Variants in STAG1 observed in about 807,000 individuals in gnomAD.
STAG1 encodes the protein cohesin subunit SA-1.
Under a neutral mutation model 170.9 loss-of-function variants are expected in STAG1, and 26 were observed. The observed-to-expected ratio is 0.15, with a 90% CI of 0.11 to 0.21. The LOEUF (loss-of-function observed/expected upper bound fraction) is 0.21, where lower values mean the gene tolerates loss of function less well. STAG1 is among the 10% of genes least tolerant of loss of function. The pLI is 1.00. For synonymous variants in STAG1, 514 were observed against 497.7 expected, an observed-to-expected ratio of 1.03 and a Z score of -0.44; for missense variants, 964 against 1,509.5, an observed-to-expected ratio of 0.64 and a Z score of 5.99.
In STAG1 at chr3:136,357,802, C is replaced by G. The variant is rs1936713516; in HGVS notation, c.2983G>C (p.Glu995Gln). ...AFKYQNQKGQEYPPPNLAFLE... is the reference protein window; with the variant it reads ...AFKYQNQKGQQYPPPNLAFLE... ...AAAGCCAGATTAGGAGGTGGATACT[C>G]TTGTCCTTTCTGATTTTGGTATTTA... The change falls in exon 28 of 34, where the codon GAG becomes CAG. Residue 995 changes from glutamate to glutamine, a missense_variant. Around this residue, in one of 11 missense-constraint regions of STAG1, gnomAD observed 149 missense variants for 301.3 expected, o/e 0.49. Transcript: ENST00000383202. The G allele has an allele frequency of 6.2e-7, 1 of 1,602,028 alleles. No homozygotes were observed. Among genetic ancestry groups the G allele is most frequent in the Non-Finnish European group, 8.5e-7 (1 of 1,176,280 alleles).
chr3:136,600,708 T>A (rs1454519320), intron 4 of STAG1, among the ~76,000 whole-genome samples: 1 of 152,090 alleles, frequency 6.6e-6, no homozygotes, highest in African/African-American at 2.4e-5. Context: ...ATTTTTTTTT[T>A]ATTTTTAGTA....
At chr3:136,506,133 C>G (rs147305310) in intron 7 of STAG1, among the ~76,000 whole-genome samples, 20 of 152,236 alleles carry the variant, frequency 1.3e-4, no homozygotes, top group African/African-American at 4.8e-4. Flanking sequence ...AGATTTTAAA[C>G]TGATGTGTGA....
intron 1 of STAG1, among the ~76,000 whole-genome samples, chr3:136,642,262 TTC>T (rs372307033): frequency 7.8e-6 from 1 of 128,636 alleles, no homozygotes. Flanking sequence ...CAGACAGAAT[TTC>T]TTTTTTTTTT....
At chr3:136,683,663 C>T (rs1942418617) in intron 1 of STAG1, among the ~76,000 whole-genome samples, 1 of 152,040 alleles carries the variant, frequency 6.6e-6, no homozygotes, top group Non-Finnish European at 1.5e-5. Flanking sequence ...GATGCCCTCA[C>T]CTTTTCGACA....
intron 1 of STAG1, among the ~76,000 whole-genome samples, chr3:136,705,956 G>GGTTGTGCATACTTGTCGT (rs1206507955): frequency 6.6e-6 from 1 of 151,636 alleles, no homozygotes; most frequent in Non-Finnish European, 1.5e-5. Context: ...AGCCTGTCTT[G>GGTTGTGCATACTTGTCGT]CCCAGACAGA....
intron 12 of STAG1, among the ~76,000 whole-genome samples, chr3:136,468,643 C>T (rs1460924284): frequency 2.6e-5 from 4 of 151,466 alleles, no homozygotes; most frequent in African/African-American, 7.2e-5. Context: ...GGGAATCCTC[C>T]CTAACTCTCC....
At chr3:136,475,180 CTT>C (rs1015357205) in intron 10 of STAG1, among the ~76,000 whole-genome samples, 1 of 110,032 alleles carries the variant, frequency 9.1e-6, no homozygotes, top group African/African-American at 3.5e-5. Flanking sequence ...GAGTCTTGCT[CTT>C]GTCACCCAGG....
chr3:136,514,520 T>C (rs1002001162), intron 7 of STAG1, among the ~76,000 whole-genome samples: 2 of 152,200 alleles, frequency 1.3e-5, no homozygotes, highest in African/African-American at 4.8e-5. Flanking sequence ...CCCAGTTATC[T>C]AGAACTAGAA....
chr3:136,389,220 C>G (rs769761655), intron 22 of STAG1, among the ~76,000 whole-genome samples: 2 of 152,174 alleles, frequency 1.3e-5, no homozygotes, highest in Admixed American at 1.3e-4. Flanking sequence ...TATTTGTAAA[C>G]GAGGCAACTG....
At chr3:136,421,256 A>G (rs1313008609) in intron 19 of STAG1, 93 bp from the exon 20 acceptor site, 1 of 672,406 alleles carries the variant, frequency 1.5e-6, no homozygotes, top group Non-Finnish European at 2.3e-6. Context: ...TCTAAATTAT[A>G]TTAATAGTAT....
chr3:136,477,783 T>C (rs934664882), intron 9 of STAG1, among the ~76,000 whole-genome samples: 4 of 152,166 alleles, frequency 2.6e-5, no homozygotes, highest in Admixed American at 1.3e-4. Context: ...AAAAGAACTG[T>C]TAATCTTTTT....
chr3:136,435,505 A>G (rs1002636005), intron 15 of STAG1, among the ~76,000 whole-genome samples: 2 of 152,082 alleles, frequency 1.3e-5, no homozygotes, highest in South Asian at 4.2e-4. Flanking sequence ...CGTATTCACC[A>G]TATCTCCCAG....
chr3:136,687,727 GA>G (rs1942581224), intron 1 of STAG1, among the ~76,000 whole-genome samples: 4 of 150,572 alleles, frequency 2.7e-5, no homozygotes, highest in Admixed American at 2.6e-4. Context: ...AGGTATCTAA[GA>G]AGAGACCAAT....
At chr3:136,444,222 C>T (rs946566464) in intron 14 of STAG1, among the ~76,000 whole-genome samples, 6 of 152,232 alleles carry the variant, frequency 3.9e-5, no homozygotes, top group East Asian at 3.9e-4. Flanking sequence ...TACAGGCCCA[C>T]GCCACCATGC....
At chr3:136,619,826 GA>G (rs1939767018) in intron 3 of STAG1, among the ~76,000 whole-genome samples, 1 of 151,290 alleles carries the variant, frequency 6.6e-6, no homozygotes, top group African/African-American at 2.4e-5. Context: ...AGCACTTTGG[GA>G]GGCTGAGGTG....
At chr3:136,423,632 G>A (rs2088024358) in intron 16 of STAG1, among the ~76,000 whole-genome samples, 1 of 152,110 alleles carries the variant, frequency 6.6e-6, no homozygotes, top group Non-Finnish European at 1.5e-5. Flanking sequence ...GAAACCACAG[G>A]TGATTCCAAA....
intron 32 of STAG1, 40 bp from the exon 33 acceptor site, chr3:136,338,490 C>A (rs370564709): frequency 2.1e-6 from 3 of 1,431,118 alleles, no homozygotes; most frequent in South Asian, 1.2e-5. Context: ...TTTCTGAGAT[C>A]ATTAAGACAA....
intron 1 of STAG1, among the ~76,000 whole-genome samples, chr3:136,709,057 A>C (rs1943311075): frequency 7.0e-6 from 1 of 143,478 alleles, no homozygotes. Context: ...TGGGAGGCTG[A>C]GATGGGTGGA....
intron 22 of STAG1, among the ~76,000 whole-genome samples, chr3:136,386,677 ACAC>A (rs760414975): frequency 6.6e-6 from 1 of 152,112 alleles, no homozygotes; most frequent in Non-Finnish European, 1.5e-5. Context: ...CTACAGGCAC[ACAC>A]CACTACACCT....
Sources: allele counts gnomAD v4.1 joint callset (sites outside exome capture counted in the v4.1 genomes callset), GRCh38; gene constraint gnomAD v4.1.1; regional missense constraint gnomAD v4.1.1; transcripts MANE v1.5; gene names NCBI Gene and HGNC (gene_info 2026-07-23, HGNC 2026-07-21).